Variants in MDGA1 observed in about 807,000 individuals in gnomAD.
MDGA1 encodes the protein MAM domain containing glycosylphosphatidylinositol anchor 1.
A neutral mutation model predicts 101.5 loss-of-function variants in MDGA1; 54 were observed. The observed-to-expected ratio is 0.53, with a 90% CI of 0.43 to 0.67. MDGA1 has a LOEUF of 0.67. Ranked by LOEUF, MDGA1 falls within the 30% of genes least tolerant of loss-of-function variation. The probability of loss-of-function intolerance (pLI) is 0.00; values close to 1 mark genes in which losing one functional copy is unlikely to be tolerated. For missense variants in MDGA1, 1,083 were observed against 1,323.8 expected (o/e 0.82, Z 2.82); for synonymous variants, 533 against 558.3 (o/e 0.95, Z 0.64).
At chr6:37,645,094 A>C (rs905239478) in intron 12 of MDGA1, among the ~76,000 whole-genome samples, 1 of 152,202 alleles carries the variant, frequency 6.6e-6, no homozygotes, top group African/African-American at 2.4e-5. Flanking sequence ...ATATTTAGAG[A>C]TATCTGGAAC....
rs756483664 is a variant in MDGA1 at position 37,655,697 on chromosome 6, G to C, written c.579+3C>G. 24 of 1,604,700 alleles carry C rather than the reference G, an allele frequency of 1.5e-5. No homozygotes were observed. The highest frequency in any genetic ancestry group is 2.0e-5 in the Non-Finnish European group (23 of 1,175,040). ...ATGGGGCGAGCCAGCTGCCCATCCT[G>C]ACCTGAGTGTAGAGGGGCTCATAGA... On this transcript the variant is annotated splice_donor_region_variant and intron_variant, in intron 4 of 16. Coordinates refer to ENST00000434837, the MANE Select transcript of MDGA1 (RefSeq NM_153487.4). The surrounding 1 kb of genome is among the most constrained non-coding windows in gnomAD (Gnocchi z 5.1).
chr6:37,650,382 T>G lies in MDGA1; in HGVS notation c.1336A>C (p.Lys446Gln), dbSNP rs2114020549. Residue 446 changes from lysine (K) to glutamine (Q), a missense_variant, in exon 8 of 17, where the codon AAG becomes CAG. Transcript: ENST00000434837. Reference sequence around the variant, plus strand: ...CGCACGGTCACCACGGCCCTACCCTTGGGCACACTGATGGTGGGCGGCACT... The same window carrying G: ...CGCACGGTCACCACGGCCCTACCCTGGGGCACACTGATGGTGGGCGGCACT... ...ETVPPTISVP[K>Q]GRAVVTVREG... 1 of 1,559,428 alleles carries G rather than the reference T, an allele frequency of 6.4e-7. No homozygotes were observed. Among genetic ancestry groups the G allele is most frequent in the Non-Finnish European group, 8.7e-7 (1 of 1,150,800 alleles).
At chr6:37,688,882 G>C (rs188171852) in intron 1 of MDGA1, among the ~76,000 whole-genome samples, 14 of 152,320 alleles carry the variant, frequency 9.2e-5, no homozygotes, top group African/African-American at 3.4e-4. Flanking sequence ...CCTCCAACCC[G>C]AGTCCAGACT....
intron 1 of MDGA1, among the ~76,000 whole-genome samples, chr6:37,666,107 G>T (rs1035147373): frequency 6.6e-6 from 1 of 151,882 alleles, no homozygotes; most frequent in African/African-American, 2.4e-5. Context: ...CAGCCCTTTG[G>T]GAGGCCGAGG....
chr6:37,662,200 G>C (rs1761641330), intron 2 of MDGA1, among the ~76,000 whole-genome samples: 1 of 150,716 alleles, frequency 6.6e-6, no homozygotes, highest in Non-Finnish European at 1.5e-5. Context: ...GGGGTGAGGT[G>C]AGAGATTGGG....
At chr6:37,676,874 G>A (rs1430706250) in intron 1 of MDGA1, among the ~76,000 whole-genome samples, 1 of 141,836 alleles carries the variant, frequency 7.1e-6, no homozygotes, top group Non-Finnish European at 1.5e-5. Context: ...TCCAGCCTGG[G>A]CAAAAAGAGC....
chr6:37,665,180 C>T lies in MDGA1; in HGVS notation c.68-1074G>A, dbSNP rs932709151. ...CCCCTACCTCATTGTCTAGCCCCAT[C>T]GTCCTAAAGGCAAACCAGGTCCCAG... On this transcript the variant is annotated intron_variant, in intron 1 of 16. Transcript: ENST00000434837. Among the ~76,000 whole-genome samples, 19 of 152,198 alleles carry T rather than the reference C, an allele frequency of 1.2e-4. No individual in the cohort carries two copies. In the East Asian group the frequency reaches 2.9e-3, roughly 23 times the overall value.
rs1581850523 is a variant in MDGA1 at position 37,647,285 on chromosome 6, T to C, written c.1934A>G (p.Asn645Ser). The C allele has an allele frequency of 6.4e-7, 1 of 1,554,484 alleles. No homozygotes were observed. Reference protein sequence around the residue: ...YSPEFYFDTPNPTRSHKLSKN... With the variant: ...YSPEFYFDTPSPTRSHKLSKN... ...GGACAGCTTGTGGCTGCGGGTGGGGTTGGGGGTGTCGAAGTAAAACTCCGG... is the reference window on the plus strand; with the variant it reads ...GGACAGCTTGTGGCTGCGGGTGGGGCTGGGGGTGTCGAAGTAAAACTCCGG... Residue 645 changes from asparagine to serine, a missense_variant, in exon 10 of 17, where the codon AAC becomes AGC. Around this residue, in one of 3 missense-constraint regions of MDGA1, gnomAD observed 657 missense variants for 771.4 expected, o/e 0.85. Coordinates refer to ENST00000434837, the MANE Select transcript of MDGA1 (RefSeq NM_153487.4).
At position 37,655,986 on chromosome 6, in the gene MDGA1, C is replaced by T. The variant is rs978147751; in HGVS notation, c.383-90G>A. ...CTGGCAGCCCTTAGGAAGAGCTGAG[C>T]CACCCTCAACAGACATTTCCAGATT... On this transcript the variant is annotated intron_variant, in intron 3 of 16. Transcript: ENST00000434837. This position sits in a 1 kb window ranked among gnomAD's most constrained non-coding sequence, Gnocchi z 5.1. 1.8e-6 allele frequency: 2 copies of T among 1,094,034 alleles called. No homozygotes were observed. Among genetic ancestry groups the T allele is most frequent in the Non-Finnish European group, 2.6e-6 (2 of 776,600 alleles). 67.8% of individuals were successfully genotyped at this position (1,094,034 alleles called of 1,614,324 possible).
intron 8 of MDGA1, 129 bp downstream of exon 8, chr6:37,649,980 T>G: frequency 1.3e-5 from 14 of 1,037,390 alleles, no homozygotes; most frequent in Non-Finnish European, 1.9e-5. Flanking sequence ...TCAAGGAGCA[T>G]TAGGGGTATC....
intron 3 of MDGA1, among the ~76,000 whole-genome samples, chr6:37,657,075 A>G (rs1761506258): frequency 6.6e-6 from 1 of 152,220 alleles, no homozygotes; most frequent in African/African-American, 2.4e-5. Flanking sequence ...TTGAACTGGA[A>G]GTTGTTTACA....
In MDGA1 at chr6:37,646,198, G is replaced by A. The variant is rs1386068840; in HGVS notation, c.2224C>T (p.Pro742Ser). ...TCCTACCGCCACCACTGTCACCTAC[G>A]CTCTGTGTAGTGGATGATGCGGGAG... The part of the protein sequence containing the change: ...MASRIIHYTE[P>S]INSPNLSDNT... The change falls in exon 11 of 17, where the codon CCC becomes TCC. Residue 742 changes from proline (P) to serine (S), a missense_variant and splice_region_variant. Physicochemically the swap from Pro to Ser is moderately conservative, Grantham distance 74. Transcript: ENST00000434837. 14 of 1,576,678 alleles carry A rather than the reference G, an allele frequency of 8.9e-6. No individual in the cohort carries two copies. The highest frequency in any genetic ancestry group is 1.7e-5 in the Admixed American group (1 of 57,436).
chr6:37,672,516 G>A (rs186637656), intron 1 of MDGA1, among the ~76,000 whole-genome samples: 1 of 152,342 alleles, frequency 6.6e-6, no homozygotes, highest in East Asian at 1.9e-4. Context: ...CAGGGAAAGA[G>A]TCTGCAGGCT....
chr6:37,637,412 G>T lies in MDGA1; in HGVS notation c.2824C>A (p.Leu942Met). The change falls in exon 17 of 17, where the codon CTG (leucine) becomes ATG (methionine). Residue 942 changes from leucine (L) to methionine (M), a missense_variant. This residue lies in a region of MDGA1 where 657 missense variants were observed against 771.4 expected (regional missense o/e 0.85). Transcript: ENST00000434837. ...AGGAAGATGGCCATGGGCCCCCACA[G>T]CTGTGGGCTGGACTGGCAGGGGGCT... ...SGAPCQSSPQ[L>M]WGPMAIFLLA... The T allele has an allele frequency of 1.2e-6, 2 of 1,613,736 alleles. No individual in the cohort carries two copies. Among genetic ancestry groups the T allele is most frequent in the Non-Finnish European group, 1.7e-6 (2 of 1,179,766 alleles).
intron 1 of MDGA1, among the ~76,000 whole-genome samples, chr6:37,675,917 C>T (rs1236801455): frequency 6.6e-6 from 1 of 152,164 alleles, no homozygotes; most frequent in African/African-American, 2.4e-5. Flanking sequence ...CCTATTGAAC[C>T]AAGCCCACGG....
In MDGA1 at chr6:37,650,283, C is replaced by G; in HGVS notation, c.1435G>C (p.Asp479His). 1 of 1,605,426 alleles carries G rather than the reference C, an allele frequency of 6.2e-7. No individual in the cohort carries two copies. Residue 479 changes from aspartate to histidine, a missense_variant, in exon 8 of 17, where the codon GAC (aspartate) becomes CAC (histidine). Asp to His is a moderately conservative substitution (Grantham distance 81). Around this residue, in one of 3 missense-constraint regions of MDGA1, gnomAD observed 657 missense variants for 771.4 expected, o/e 0.85. Coordinates refer to ENST00000434837, the MANE Select transcript of MDGA1 (RefSeq NM_153487.4). The part of the protein sequence containing the change: ...PRPPVLWSRV[D>H]KEAALLPSGL... ...GAGGGCAGCAGTGCAGCCTCCTTGTCCACGCGGGACCAGAGCACTGGCGGC... is the reference window on the plus strand; with the variant it reads ...GAGGGCAGCAGTGCAGCCTCCTTGTGCACGCGGGACCAGAGCACTGGCGGC...
In MDGA1 at chr6:37,652,239, C is replaced by T. The variant is rs1214331114; in HGVS notation, c.1084G>A (p.Val362Met). 6.2e-7 allele frequency: 1 copy of T among 1,614,038 alleles called. No individual in the cohort carries two copies. The highest frequency in any genetic ancestry group is 1.3e-5 in the African/African-American group (1 of 75,054). Residue 362 changes from valine to methionine, a missense_variant, in exon 7 of 17, where the codon GTG becomes ATG. Around this residue, in one of 3 missense-constraint regions of MDGA1, gnomAD observed 116 missense variants for 196.6 expected, o/e 0.59. Transcript: ENST00000434837. This position sits in a 1 kb window ranked among gnomAD's most constrained non-coding sequence, Gnocchi z 4.3. Reference sequence around the variant, plus strand: ...TGGTAGGTCACCTTCTCCTGGGGCACTGCATCCACGTGGCACGATAGCTTC... The same window carrying T: ...TGGTAGGTCACCTTCTCCTGGGGCATTGCATCCACGTGGCACGATAGCTTC... The part of the protein sequence containing the change: ...DLKLSCHVDA[V>M]PQEKVTYQWF...
intron 1 of MDGA1, among the ~76,000 whole-genome samples, chr6:37,674,751 C>T (rs1761942500): frequency 6.6e-6 from 1 of 152,110 alleles, no homozygotes; most frequent in African/African-American, 2.4e-5. Context: ...TCCCAGGATG[C>T]CAGGATTAAA....
intron 1 of MDGA1, among the ~76,000 whole-genome samples, chr6:37,670,936 G>A (rs1425882182): frequency 1.3e-5 from 2 of 152,198 alleles, no homozygotes; most frequent in African/African-American, 4.8e-5. Context: ...TTGGGACTCT[G>A]TTCATTGTCC....
Sources: gnomAD v4.1 joint callset for allele counts (sites outside exome capture counted in the v4.1 genomes callset) on GRCh38, gnomAD v4.1.1 for gene constraint, gnomAD v4.1.1 regional missense constraint, Gnocchi (gnomAD v3.1) non-coding constraint, MANE v1.5 for transcripts, NCBI Gene and HGNC (gene_info 2026-07-23, HGNC 2026-07-21) for gene names.